The following MTERF4 variants were observed in gnomAD, a reference collection of about 807,000 sequenced individuals.
MTERF4 encodes the protein mitochondrial transcription termination factor 4.
A neutral mutation model predicts 22.5 loss-of-function variants in MTERF4; 17 were observed. The observed-to-expected ratio is 0.75, with a 90% confidence interval of 0.52 to 1.13. MTERF4 has a LOEUF of 1.13. MTERF4 is among the 50% of genes most tolerant of loss of function. MTERF4 has a pLI of 0.00. For synonymous variants in MTERF4, 165 were observed against 175.3 expected, an observed-to-expected ratio of 0.94 and a Z score of 0.47; for missense variants, 420 against 466.8, an observed-to-expected ratio of 0.90 and a Z score of 0.92.
chr2:241,067,935 G>A (rs534151020), downstream of MTERF4: 10 of 1,610,218 alleles, frequency 6.2e-6, no homozygotes, highest in African/African-American at 5.3e-5. Flanking sequence ...AGTGTGGACA[G>A]GTTCACCTTT....
At chr2:241,067,677 C>T (rs1315144506), downstream of MTERF4, 1 of 1,178,294 alleles carries the variant, frequency 8.5e-7, no homozygotes, top group Non-Finnish European at 1.2e-6. Context: ...CCCCAGCACC[C>T]TCCCAAGCCT....
At chr2:241,071,707 AC>A, downstream of MTERF4, 1 of 805,480 alleles carries the variant, frequency 1.2e-6, no homozygotes. Context: ...CGAGACCCCC[AC>A]CCAGCCCCCC....
chr2:241,069,650 G>A (rs983683203), downstream of MTERF4, among the ~76,000 whole-genome samples: 1 of 152,162 alleles, frequency 6.6e-6, no homozygotes, highest in Admixed American at 6.5e-5. This position sits in a 1 kb window ranked among gnomAD's most constrained non-coding sequence, Gnocchi z 4.9. Flanking sequence ...CGCAGGGAGG[G>A]CGCCAGCTGA....
At chr2:241,068,824 C>T, downstream of MTERF4, 1 of 933,472 alleles carries the variant, frequency 1.1e-6, no homozygotes, top group South Asian at 1.7e-5. The surrounding 1 kb of genome is among the most constrained non-coding windows in gnomAD (Gnocchi z 5.3). Context: ...GCAGTCACCT[C>T]CTGCCTGGGG....
At chr2:241,064,917 C>T in the MTERF4 span, 3 of 1,586,868 alleles carry the variant, frequency 1.9e-6, no homozygotes, top group Non-Finnish European at 2.6e-6. The surrounding 1 kb of genome is among the most constrained non-coding windows in gnomAD (Gnocchi z 7.0). Context: ...CCCACAGCTG[C>T]ACCTGCAAAG....
chr2:241,063,961 C>T, the MTERF4 span: 26 of 1,324,064 alleles, frequency 2.0e-5, no homozygotes, highest in Non-Finnish European at 2.5e-5. Context: ...TCTCCTCCCT[C>T]CCCCAGACTC....
chr2:241,069,470 T>C (rs1255775209), downstream of MTERF4, among the ~76,000 whole-genome samples: 3 of 151,592 alleles, frequency 2.0e-5, no homozygotes, highest in African/African-American at 7.3e-5. This position sits in a 1 kb window ranked among gnomAD's most constrained non-coding sequence, Gnocchi z 4.9. Flanking sequence ...GAGGGACAGG[T>C]GAACTGGGCA....
the MTERF4 span, chr2:241,051,678 G>A: frequency 8.0e-7 from 1 of 1,255,070 alleles, no homozygotes; most frequent in Non-Finnish European, 1.1e-6. The surrounding 1 kb of genome is among the most constrained non-coding windows in gnomAD (Gnocchi z 4.7). Context: ...ATGCCAGGAG[G>A]GTATAGTGGC....
exon 5 of MTERF4, chr2:241,072,359 C>T (rs1314996758): frequency 2.6e-6 from 1 of 377,548 alleles, no homozygotes; most frequent in South Asian, 2.0e-5. Flanking sequence ...CCCTTCCCAC[C>T]GGGTTTACTG....
At chr2:241,086,405 T>A (rs1283036660), downstream of MTERF4, among the ~76,000 whole-genome samples, 1 of 152,172 alleles carries the variant, frequency 6.6e-6, no homozygotes, top group Non-Finnish European at 1.5e-5. Flanking sequence ...TCTCCCCAAC[T>A]TCAATCTCTG....
downstream of MTERF4, chr2:241,089,888 G>A: frequency 1.3e-6 from 2 of 1,502,168 alleles, no homozygotes. Context: ...ACTGAATACT[G>A]TAGGCGGTCG....
downstream of MTERF4, among the ~76,000 whole-genome samples, chr2:241,070,820 G>A (rs1176791907): frequency 1.3e-5 from 2 of 152,230 alleles, no homozygotes; most frequent in Non-Finnish European, 2.9e-5. Context: ...AACAGGGAGA[G>A]AAGAAAGAGA....
chr2:241,101,309 A>G, intron 1 of MTERF4: 1 of 371,496 alleles, frequency 2.7e-6, no homozygotes, highest in Non-Finnish European at 5.7e-6. Context: ...CGCAGTTCAC[A>G]ATAGGGTTCG....
At chr2:241,065,204 A>T in the MTERF4 span, 1 of 1,323,894 alleles carries the variant, frequency 7.6e-7, no homozygotes, top group Non-Finnish European at 1.0e-6. Context: ...TGTCAGGCCC[A>T]AGAGCCAGAC....
At chr2:241,072,999 G>T in exon 5 of MTERF4, 1 of 496,958 alleles carries the variant, frequency 2.0e-6, no homozygotes, top group Non-Finnish European at 3.6e-6. Flanking sequence ...CTCTCAGCAT[G>T]ATCAGTGGTG....
downstream of MTERF4, chr2:241,087,862 T>C (rs1334688136): frequency 2.1e-6 from 1 of 466,016 alleles, no homozygotes; most frequent in African/African-American, 2.0e-5. Context: ...GGGTTCAAGG[T>C]AGTTACAAGA....
the MTERF4 span, chr2:241,048,946 C>A: frequency 2.2e-6 from 3 of 1,381,258 alleles, no homozygotes; most frequent in Admixed American, 4.0e-5. Context: ...CTTGGGAGGC[C>A]CCATCCTTGA....
intron 2 of MTERF4, 106 bp from the exon 3 acceptor site, chr2:241,097,533 C>T: frequency 9.2e-7 from 1 of 1,091,062 alleles, no homozygotes; most frequent in Non-Finnish European, 1.3e-6. Context: ...AAACAAGGAT[C>T]CTCTCCTTCC....
chr2:241,065,449 C>T, the MTERF4 span: 1 of 1,612,968 alleles, frequency 6.2e-7, no homozygotes, highest in African/African-American at 1.3e-5. Context: ...TACCGCCGCA[C>T]AGACTTTGTG....
Sources: allele counts gnomAD v4.1 joint callset (sites outside exome capture counted in the v4.1 genomes callset), GRCh38; gene constraint gnomAD v4.1.1; non-coding constraint Gnocchi (gnomAD v3.1); transcripts MANE v1.5; gene names NCBI Gene and HGNC (gene_info 2026-07-23, HGNC 2026-07-21).